The following NOX4 variants were observed in gnomAD, a reference collection of about 807,000 sequenced individuals.
NOX4 encodes the protein kidney oxidase-1.
NOX4 carries 69 observed loss-of-function variants against 87.6 expected under a neutral mutation model. The observed-to-expected ratio is 0.79, with a 90% CI of 0.65 to 0.96. The LOEUF (loss-of-function observed/expected upper bound fraction) is 0.96. Among genes scored for constraint, NOX4 ranks in the 40% least tolerant of loss-of-function variants. NOX4 has a pLI of 0.00. For missense variants in NOX4, 680 were observed against 681.5 expected (o/e 1.00, Z 0.02); for synonymous variants, 275 against 238.2 (o/e 1.15, Z -1.42).
the NOX4 span, among the ~76,000 whole-genome samples, chr11:89,584,820 T>A: frequency 6.6e-6 from 1 of 152,110 alleles, no homozygotes; most frequent in Non-Finnish European, 1.5e-5. Context: ...TTTCTGCATG[T>A]AGAGAGAGAT....
chr11:89,325,112 A>ACTTTTTTTTTTTTTTTT lies in NOX4; in HGVS notation c.*1643_*1644insAAAAAAAAAAAAAAAAG, dbSNP rs1565158726. The ACTTTTTTTTTTTTTTTT allele has an allele frequency of 1.4e-5, 1 of 71,244 alleles. No homozygotes were observed. 4.4% of individuals were successfully genotyped at this position (71,244 alleles called of 1,614,324 possible). A position where few individuals can be genotyped will look rare whatever the true frequency, so the allele number is the denominator to read the frequency against. On this transcript the variant is annotated 3_prime_UTR_variant, in exon 18 of 18. Transcript: ENST00000263317. ...ATCACTAAACTGTATGAATGCTTTA[A>ACTTTTTTTTTTTTTTTT]TTCTTTTTTTTTTTTTTTTTTTTTT...
chr11:89,565,496 G>C, the NOX4 span, among the ~76,000 whole-genome samples: 1 of 151,880 alleles, frequency 6.6e-6, no homozygotes, highest in African/African-American at 2.4e-5. Context: ...TTGCCTTCCT[G>C]TTTTGACAAG....
At chr11:89,389,352 C>T (rs1415123873) in intron 11 of NOX4, among the ~76,000 whole-genome samples, 3 of 152,150 alleles carry the variant, frequency 2.0e-5, no homozygotes, top group Admixed American at 2.0e-4. Flanking sequence ...TATTTCTGTG[C>T]CCTGTCTTTT....
At chr11:89,544,888 A>G in the NOX4 span, among the ~76,000 whole-genome samples, 1 of 152,142 alleles carries the variant, frequency 6.6e-6, no homozygotes, top group Non-Finnish European at 1.5e-5. Context: ...AAGAAAATAT[A>G]TATCCTATGA....
chr11:89,366,926 G>A (rs1412859432), intron 12 of NOX4, among the ~76,000 whole-genome samples: 1 of 151,956 alleles, frequency 6.6e-6, no homozygotes, highest in African/African-American at 2.4e-5. Context: ...GAGAAACCAA[G>A]GGAAAAACAA....
chr11:89,343,123 C>T (rs1019677180), intron 13 of NOX4, among the ~76,000 whole-genome samples: 69 of 152,220 alleles, frequency 4.5e-4, no homozygotes, highest in African/African-American at 1.6e-3. Flanking sequence ...TTTGAAATAA[C>T]TTTGGACAGG....
intron 6 of NOX4, among the ~76,000 whole-genome samples, chr11:89,434,617 A>C (rs1943986093): frequency 6.6e-6 from 1 of 152,072 alleles, no homozygotes; most frequent in African/African-American, 2.4e-5. Context: ...GTGTTTACCC[A>C]AAAGAAACAA....
At chr11:89,471,285 C>T (rs1404442620) in intron 2 of NOX4, among the ~76,000 whole-genome samples, 1 of 152,134 alleles carries the variant, frequency 6.6e-6, no homozygotes, top group Non-Finnish European at 1.5e-5. Context: ...CAAACTGCCT[C>T]TTACCTTTGA....
chr11:89,347,658 C>A (rs916774447), intron 13 of NOX4, among the ~76,000 whole-genome samples: 1 of 152,112 alleles, frequency 6.6e-6, no homozygotes, highest in African/African-American at 2.4e-5. Context: ...AAGCTTGAAG[C>A]CACCCAAAGC....
the NOX4 span, among the ~76,000 whole-genome samples, chr11:89,549,414 A>G: frequency 6.6e-6 from 1 of 152,186 alleles, no homozygotes; most frequent in African/African-American, 2.4e-5. Context: ...TGTTAGTATC[A>G]CATAAAACAC....
At chr11:89,509,258 C>CT in the NOX4 span, among the ~76,000 whole-genome samples, 1 of 136,480 alleles carries the variant, frequency 7.3e-6, no homozygotes, top group African/African-American at 2.7e-5. Flanking sequence ...ATAATAGTGT[C>CT]TCTTAGACAT....
intron 11 of NOX4, among the ~76,000 whole-genome samples, chr11:89,385,141 A>G (rs1436385055): frequency 6.6e-6 from 1 of 152,148 alleles, no homozygotes; most frequent in East Asian, 1.9e-4. Context: ...CAATATTTAT[A>G]CTGACTCTAA....
intron 4 of NOX4, among the ~76,000 whole-genome samples, chr11:89,444,738 A>C (rs1299541172): frequency 2.0e-5 from 3 of 152,170 alleles, no homozygotes; most frequent in Non-Finnish European, 4.4e-5. Context: ...AATTTTTCAC[A>C]ATCCACAGAT....
At chr11:89,582,525 C>T in the NOX4 span, among the ~76,000 whole-genome samples, 2 of 152,054 alleles carry the variant, frequency 1.3e-5, no homozygotes, top group African/African-American at 4.8e-5. Context: ...CCCTATTCCC[C>T]ACAAAACTTG....
intron 2 of NOX4, among the ~76,000 whole-genome samples, chr11:89,487,291 T>C (rs1340411538): frequency 6.6e-6 from 1 of 152,178 alleles, no homozygotes; most frequent in Non-Finnish European, 1.5e-5. Context: ...ATTTGTAAAA[T>C]TCCTGGCATA....
At chr11:89,338,514 T>C (rs1287593305) in intron 15 of NOX4, among the ~76,000 whole-genome samples, 2 of 152,088 alleles carry the variant, frequency 1.3e-5, no homozygotes, top group Non-Finnish European at 2.9e-5. Context: ...CTAGAACCAA[T>C]GTTTTCATTT....
chr11:89,355,734 G>A (rs1591005026), intron 12 of NOX4, among the ~76,000 whole-genome samples: 1 of 152,186 alleles, frequency 6.6e-6, no homozygotes, highest in East Asian at 1.9e-4. Flanking sequence ...AATAGCTATT[G>A]AAGACAATTT....
the NOX4 span, chr11:89,589,514 C>T: frequency 2.0e-5 from 3 of 152,148 alleles, no homozygotes; most frequent in Admixed American, 6.5e-5. Flanking sequence ...TGTGGAGAGA[C>T]GATGTAAAGG....
At chr11:89,394,659 C>A (rs563275728) in intron 11 of NOX4, among the ~76,000 whole-genome samples, 2 of 152,074 alleles carry the variant, frequency 1.3e-5, no homozygotes, top group African/African-American at 4.8e-5. Context: ...CCTAGCCCCC[C>A]ACCCCATGAC....
Sources: gnomAD v4.1 joint callset for allele counts (sites outside exome capture counted in the v4.1 genomes callset) on GRCh38, gnomAD v4.1.1 for gene constraint, MANE v1.5 for transcripts, NCBI Gene and HGNC (gene_info 2026-07-23, HGNC 2026-07-21) for gene names.